Variants in PCNX2 observed in about 807,000 individuals in gnomAD.
PCNX2 encodes the protein pecanex-like protein 2.
A neutral mutation model predicts 223.8 loss-of-function variants in PCNX2; 168 were observed. The observed-to-expected ratio is 0.75, with a 90% CI of 0.66 to 0.85. PCNX2 has a LOEUF of 0.85. Among genes scored for constraint, PCNX2 ranks in the 40% least tolerant of loss-of-function variants. The probability of loss-of-function intolerance (pLI) is 0.00; values close to 1 mark genes in which losing one functional copy is unlikely to be tolerated. For missense variants in PCNX2, 2,507 were observed against 2,675.5 expected, an observed-to-expected ratio of 0.94 and a Z score of 1.39; for synonymous variants, 1,006 against 1,052.6, an observed-to-expected ratio of 0.96 and a Z score of 0.86.
chr1:233,052,724 T>TAC (rs1672052806), intron 25 of PCNX2, among the ~76,000 whole-genome samples: 3 of 152,210 alleles, frequency 2.0e-5, no homozygotes, highest in Admixed American at 2.0e-4. Context: ...GCATGACATG[T>TAC]AATCAGTGCT....
chr1:233,100,448 CAATGGAGT>C, intron 21 of PCNX2, among the ~76,000 whole-genome samples: 1 of 145,342 alleles, frequency 6.9e-6, no homozygotes, highest in Non-Finnish European at 1.5e-5. Flanking sequence ...AAGAAAATCA[CAATGGAGT>C]AATTATGGCT....
At chr1:233,178,795 G>A (rs925169423) in intron 16 of PCNX2, among the ~76,000 whole-genome samples, 7 of 152,290 alleles carry the variant, frequency 4.6e-5, no homozygotes, top group Middle Eastern at 3.4e-3. Context: ...GGGTGCTATC[G>A]ACCCTCTGTT....
chr1:232,999,307 G>C lies in PCNX2; in HGVS notation c.5401C>G (p.Pro1801Ala), dbSNP rs1249876298. The change falls in exon 31 of 34, where the codon CCG becomes GCG. Residue 1801 changes from proline to alanine, a missense_variant. Physicochemically the swap from Pro to Ala is conservative, Grantham distance 27 (BLOSUM62 -1). This residue lies in a region of PCNX2 where 1,372 missense variants were observed against 1,509.4 expected (regional missense o/e 0.91). Transcript: ENST00000258229. ...TTGTTCTGGATACTGCCGCGCTCCG[G>C]ATTGCGGTTGCGAAGAAATATAAGC... ...QELIFLRNRN[P>A]ERGSIQNNKQ... is the part of the protein sequence containing the mutation. The C allele has an allele frequency of 5.0e-6, 8 of 1,608,638 alleles. No individual in the cohort carries two copies. Among genetic ancestry groups the C allele is most frequent in the Non-Finnish European group, 6.8e-6 (8 of 1,177,340 alleles).
chr1:233,290,610 T>C, intron 1 of PCNX2: 1 of 467,656 alleles, frequency 2.1e-6, no homozygotes, highest in Non-Finnish European at 2.8e-6. Context: ...GTCATAGAAA[T>C]GTCACCAATT....
chr1:233,183,510 C>G (rs61823894), intron 15 of PCNX2, among the ~76,000 whole-genome samples: 1 of 152,142 alleles, frequency 6.6e-6, no homozygotes, highest in African/African-American at 2.4e-5. Flanking sequence ...TGAAATGCTG[C>G]GGAAGTGATG....
At chr1:233,277,462 G>T (rs1660974563) in intron 1 of PCNX2, among the ~76,000 whole-genome samples, 1 of 152,188 alleles carries the variant, frequency 6.6e-6, no homozygotes, top group Non-Finnish European at 1.5e-5. Flanking sequence ...ACAGAAGTGG[G>T]CTTGCTGTCC....
chr1:233,146,943 G>A (rs1677487462), intron 19 of PCNX2, among the ~76,000 whole-genome samples: 1 of 152,142 alleles, frequency 6.6e-6, no homozygotes, highest in South Asian at 2.1e-4. Flanking sequence ...ACAAAAGTAG[G>A]TTTTTCATAA....
chr1:233,283,690 G>A (rs879579035), intron 1 of PCNX2, among the ~76,000 whole-genome samples: 3 of 143,574 alleles, frequency 2.1e-5, no homozygotes, highest in African/African-American at 5.8e-5. Context: ...CTATGAGGAC[G>A]GGGGAAAAAA....
chr1:233,152,110 G>A (rs563853218), intron 19 of PCNX2, among the ~76,000 whole-genome samples: 4 of 152,332 alleles, frequency 2.6e-5, no homozygotes, highest in African/African-American at 7.2e-5. Flanking sequence ...GCCAGAGTAT[G>A]AGAGTGCCTG....
chr1:233,134,673 G>A, intron 21 of PCNX2: 1 of 330,594 alleles, frequency 3.0e-6, no homozygotes, highest in Non-Finnish European at 5.4e-6. Context: ...GAGGGAGGGA[G>A]AGACCAGTGA....
In PCNX2 at chr1:233,258,499, G is replaced by T. The variant is rs1313221326; in HGVS notation, c.1363C>A (p.Pro455Thr). 6 of 1,613,960 alleles carry T rather than the reference G, an allele frequency of 3.7e-6. No homozygotes were observed. The highest frequency in any genetic ancestry group is 5.1e-6 in the Non-Finnish European group (6 of 1,179,874). The change falls in exon 5 of 34, where the codon CCA becomes ACA. Residue 455 changes from proline to threonine, a missense_variant. Around this residue, in one of 3 missense-constraint regions of PCNX2, gnomAD observed 1,031 missense variants for 1,021.7 expected, o/e 1.01. Transcript: ENST00000258229. ...GATACCCTCGTCTTCAGTCTCTCTG[G>T]AGTCCTTTCACTTCCATTGCCTTCG... Reference protein sequence around the residue: ...CPEGNGSERTPERLKTRVSTN... With the variant: ...CPEGNGSERTTERLKTRVSTN...
chr1:233,143,162 C>T lies in PCNX2; in HGVS notation c.3518-3307G>A, dbSNP rs186647500. Among the ~76,000 whole-genome samples the T allele has an allele frequency of 4.7e-4, 72 of 152,316 alleles. 2 individuals carry two copies. The East Asian group carries it at 0.012, about 26-fold the overall frequency. ...ATGTCACAAACGTAATGCTGTCAAC[C>T]TGTACACACCTTCTCTTCCTCATAC... On this transcript the variant is annotated intron_variant, in intron 19 of 33. Coordinates refer to ENST00000258229, the MANE Select transcript of PCNX2 (RefSeq NM_014801.4).
intron 25 of PCNX2, among the ~76,000 whole-genome samples, chr1:233,027,276 G>C (rs1361926506): frequency 2.0e-5 from 3 of 152,174 alleles, no homozygotes; most frequent in Non-Finnish European, 2.9e-5. Flanking sequence ...GTGGTGGAAT[G>C]GTGGGGGAGG....
rs1002193507 is a variant in PCNX2, at chr1:233,028,765, G to C, written c.4352-3366C>G. Among the ~76,000 whole-genome samples, 8 of 151,594 alleles carry C rather than the reference G, an allele frequency of 5.3e-5. No homozygotes were observed. In the South Asian group the frequency reaches 8.4e-4, roughly 16 times the overall value. ...TTACATGTAATGTGGTTATTTATAGGACTGGGTGAAAGTCTACTATTTTCC... is the reference window on the plus strand; with the variant it reads ...TTACATGTAATGTGGTTATTTATAGCACTGGGTGAAAGTCTACTATTTTCC... On this transcript the variant is annotated intron_variant, in intron 25 of 33. Coordinates refer to ENST00000258229, the MANE Select transcript of PCNX2 (RefSeq NM_014801.4).
chr1:233,213,765 GTA>G (rs1362512615), intron 12 of PCNX2, among the ~76,000 whole-genome samples: 1 of 142,734 alleles, frequency 7.0e-6, no homozygotes, highest in Non-Finnish European at 1.5e-5. Flanking sequence ...AGTATACTTA[GTA>G]TACGCTAAAG....
intron 15 of PCNX2, among the ~76,000 whole-genome samples, chr1:233,181,604 C>T (rs1679806856): frequency 6.6e-6 from 1 of 152,178 alleles, no homozygotes; most frequent in Admixed American, 6.5e-5. Context: ...AAGAAAATAT[C>T]ATAGACTGGG....
chr1:233,318,477 C>T, the PCNX2 span, among the ~76,000 whole-genome samples: 2 of 151,544 alleles, frequency 1.3e-5, no homozygotes, highest in Admixed American at 1.3e-4. Flanking sequence ...AACCCATAAT[C>T]ATTGTTCTGT....
chr1:233,295,559 A>C lies in PCNX2; in HGVS notation c.-81T>G. The C allele has an allele frequency of 6.2e-6, 8 of 1,295,758 alleles. No homozygotes were observed. The highest frequency in any genetic ancestry group is 6.9e-6 in the Non-Finnish European group (7 of 1,017,732). 80.3% of individuals were successfully genotyped at this position (1,295,758 alleles called of 1,614,324 possible). ...GGATCTCCAGGCTCCCTCAGGTCTAACACCCGGGCCCGCGGGCCGCGCCCC... is the reference window on the plus strand; with the variant it reads ...GGATCTCCAGGCTCCCTCAGGTCTACCACCCGGGCCCGCGGGCCGCGCCCC... On this transcript the variant is annotated 5_prime_UTR_variant, in exon 1 of 34. Coordinates refer to ENST00000258229, the MANE Select transcript of PCNX2 (RefSeq NM_014801.4). This position sits in a 1 kb window ranked among gnomAD's most constrained non-coding sequence, Gnocchi z 4.1.
At chr1:233,269,121 A>G (rs891346173) in intron 1 of PCNX2, among the ~76,000 whole-genome samples, 2 of 152,224 alleles carry the variant, frequency 1.3e-5, no homozygotes, top group African/African-American at 4.8e-5. Context: ...GATCTTCTGA[A>G]TTCCTTATGT....
Sources: allele counts gnomAD v4.1 joint callset (sites outside exome capture counted in the v4.1 genomes callset), GRCh38; gene constraint gnomAD v4.1.1; regional missense constraint gnomAD v4.1.1; non-coding constraint Gnocchi (gnomAD v3.1); transcripts MANE v1.5; gene names NCBI Gene and HGNC (gene_info 2026-07-23, HGNC 2026-07-21).